Variants in PIEZO2 observed in about 807,000 individuals in gnomAD.
PIEZO2 encodes the protein piezo type mechanosensitive ion channel component 2, also known as piezo-type mechanosensitive ion channel component 2.
Under a neutral mutation model 337.3 loss-of-function variants are expected in PIEZO2, and 172 were observed. The observed-to-expected ratio is 0.51, with a 90% CI of 0.45 to 0.58. PIEZO2 has a LOEUF of 0.58. Among genes scored for constraint, PIEZO2 ranks in the 20% least tolerant of loss-of-function variants. PIEZO2 has a pLI of 0.00. For synonymous variants in PIEZO2, 1,251 were observed against 1,228.5 expected (o/e 1.02, Z -0.38); for missense variants, 3,028 against 3,391.3 (o/e 0.89, Z 2.66).
chr18:10,869,612 T>G (rs1157790), intron 5 of PIEZO2, among the ~76,000 whole-genome samples: 49,779 of 152,034 alleles, frequency 0.33, 8,336 homozygotes, highest in South Asian at 0.37. Context: ...ATTTTCAAAC[T>G]GTAAATGTAA....
Position 10,988,003 on chromosome 18 carries a change from T to C in PIEZO2, c.161-8343A>G, listed in dbSNP as rs756750869. Among the ~76,000 whole-genome samples, 7 of 152,148 alleles carry C rather than the reference T, an allele frequency of 4.6e-5. No individual in the cohort carries two copies. The highest frequency in any genetic ancestry group is 8.8e-5 in the Non-Finnish European group (6 of 68,012). On this transcript the variant is annotated intron_variant, in intron 2 of 55. Coordinates refer to ENST00000674853, the MANE Select transcript of PIEZO2 (RefSeq NM_001378183.1). The surrounding 1 kb of genome is among the most constrained non-coding windows in gnomAD (Gnocchi z 4.8). Reference sequence around the variant, plus strand: ...CCACAAGTTGAGATACCACCTCTGCTGTGGTCTGAATGTGACCCCCAAAAT... The same window carrying C: ...CCACAAGTTGAGATACCACCTCTGCCGTGGTCTGAATGTGACCCCCAAAAT...
chr18:10,957,183 G>A (rs1456218103), intron 3 of PIEZO2, among the ~76,000 whole-genome samples: 2 of 151,900 alleles, frequency 1.3e-5, no homozygotes, highest in Non-Finnish European at 1.5e-5. Context: ...TGGATCATGA[G>A]GTCAGGAGTT....
At chr18:10,885,083 G>A (rs1568163768) in intron 4 of PIEZO2, among the ~76,000 whole-genome samples, 5 of 152,166 alleles carry the variant, frequency 3.3e-5, no homozygotes, top group South Asian at 2.1e-4. Flanking sequence ...ATACATTCCC[G>A]AAAAACAGAT....
intron 49 of PIEZO2, among the ~76,000 whole-genome samples, chr18:10,685,018 T>G (rs2034488154): frequency 6.6e-6 from 1 of 152,118 alleles, no homozygotes; most frequent in African/African-American, 2.4e-5. Flanking sequence ...TCCAATCAGC[T>G]TCCTGAAATG....
At chr18:11,088,027 C>T (rs984498749) in intron 1 of PIEZO2, among the ~76,000 whole-genome samples, 4 of 152,234 alleles carry the variant, frequency 2.6e-5, no homozygotes, top group South Asian at 2.1e-4. Flanking sequence ...ACTGCTTGGA[C>T]GCAGACTGCT....
intron 49 of PIEZO2, among the ~76,000 whole-genome samples, chr18:10,684,074 CT>C: frequency 1.6e-5 from 2 of 124,940 alleles, no homozygotes; most frequent in African/African-American, 5.8e-5. Flanking sequence ...TCCTTCCTTC[CT>C]TTTTCCTTCC....
chr18:10,757,977 A>G lies in PIEZO2; in HGVS notation c.3915T>C (p.Ile1305=), dbSNP rs945235167. The G allele has an allele frequency of 3.9e-6, 6 of 1,535,306 alleles. No homozygotes were observed. Among genetic ancestry groups the G allele is most frequent in the South Asian group, 1.2e-5 (1 of 83,678 alleles). The change falls in exon 27 of 56, where the codon ATT becomes ATC. Residue 1305 remains isoleucine, a synonymous_variant. Transcript: ENST00000674853. ...FSQHNPVPDF[I]HCRSYLDMSK... ...TGTGAAGCTCTTGTTACCTGCAGTG[A>G]ATAAAATCTGGCACAGGGTTATGTT...
chr18:10,675,630 A>G (rs73391375), intron 53 of PIEZO2, among the ~76,000 whole-genome samples: 3,774 of 152,294 alleles, frequency 0.025, 166 homozygotes, highest in African/African-American at 0.084. Flanking sequence ...TATCCATACC[A>G]TTAAGCACGC....
At chr18:10,963,729 A>C (rs974699104) in intron 3 of PIEZO2, among the ~76,000 whole-genome samples, 2 of 152,240 alleles carry the variant, frequency 1.3e-5, no homozygotes, top group African/African-American at 4.8e-5. Context: ...TTTGGTATTA[A>C]GACATACACA....
rs528439299 is a variant in PIEZO2 at position 11,002,494 on chromosome 18, G to A, written c.161-22834C>T. Among the ~76,000 whole-genome samples, 2 of 152,272 alleles carry A rather than the reference G, an allele frequency of 1.3e-5. No individual in the cohort carries two copies. The highest frequency in any genetic ancestry group is 2.1e-4 in the South Asian group (1 of 4,826). On this transcript the variant is annotated intron_variant, in intron 2 of 55. Coordinates refer to ENST00000674853, the MANE Select transcript of PIEZO2 (RefSeq NM_001378183.1). This position sits in a 1 kb window ranked among gnomAD's most constrained non-coding sequence, Gnocchi z 4.3. ...AGTGTTGACCCATTTGCAACACATC[G>A]TAAACACCAGCACTCACTGTGTGCA...
At chr18:11,023,951 G>A (rs911313888) in intron 2 of PIEZO2, among the ~76,000 whole-genome samples, 3 of 152,136 alleles carry the variant, frequency 2.0e-5, no homozygotes, top group Non-Finnish European at 4.4e-5. Flanking sequence ...GTGCGGGGCC[G>A]CCGAGCCCAC....
At chr18:10,733,077 G>C (rs2036850713) in intron 35 of PIEZO2, among the ~76,000 whole-genome samples, 1 of 151,900 alleles carries the variant, frequency 6.6e-6, no homozygotes. Context: ...GGAGGAAAAG[G>C]GGAGAGGAAA....
intron 1 of PIEZO2, among the ~76,000 whole-genome samples, chr18:11,141,479 T>A (rs971641364): frequency 6.6e-6 from 1 of 152,076 alleles, no homozygotes; most frequent in Admixed American, 6.5e-5. Flanking sequence ...AGGCTTGAGG[T>A]TCTGCATGCT....
At chr18:10,701,834 C>CTT (rs778832042) in intron 43 of PIEZO2, 155 bp downstream of exon 43, 214 of 455,510 alleles carry the variant, frequency 4.7e-4, no homozygotes, top group East Asian at 3.5e-3. Context: ...TTTTCTCTCT[C>CTT]TTTTTTTTTT....
Position 10,859,629 on chromosome 18 carries a change from T to C in PIEZO2, c.493-2418A>G, listed in dbSNP as rs2041820636. ...TCTCACCTTAAAGAAACACATCCTT[T>C]CAACCCACGTTTGTCTCTTAAGGTG... On this transcript the variant is annotated intron_variant, in intron 5 of 55. Transcript: ENST00000674853. The surrounding 1 kb of genome is among the most constrained non-coding windows in gnomAD (Gnocchi z 4.9). 6.6e-6 allele frequency among the ~76,000 whole-genome samples: 1 copy of C among 152,214 alleles called. No individual in the cohort carries two copies. Among genetic ancestry groups the C allele is most frequent in the Admixed American group, 6.5e-5 (1 of 15,288 alleles).
At position 11,030,964 on chromosome 18, in the gene PIEZO2, C is replaced by T. The variant is rs529120788; in HGVS notation, c.160+35163G>A. Among the ~76,000 whole-genome samples the T allele has an allele frequency of 2.0e-5, 3 of 151,832 alleles. No homozygotes were observed. The South Asian group carries it at 6.2e-4, about 32-fold the overall frequency. Reference sequence around the variant, plus strand: ...CAAAGCAATCTCGAGTAGTCCACTTCAATGCAATGAAGTTGCTTCTGGAAT... The same window carrying T: ...CAAAGCAATCTCGAGTAGTCCACTTTAATGCAATGAAGTTGCTTCTGGAAT... On this transcript the variant is annotated intron_variant, in intron 2 of 55. Transcript: ENST00000674853.
intron 4 of PIEZO2, among the ~76,000 whole-genome samples, chr18:10,904,611 A>G (rs1422567224): frequency 6.6e-6 from 1 of 152,224 alleles, no homozygotes; most frequent in Non-Finnish European, 1.5e-5. Context: ...TTCAAGAGCC[A>G]CTGCCTGGTA....
At chr18:10,789,717 A>G (rs2039347615) in intron 14 of PIEZO2, among the ~76,000 whole-genome samples, 1 of 152,214 alleles carries the variant, frequency 6.6e-6, no homozygotes, top group Admixed American at 6.5e-5. Flanking sequence ...TCAAATTCTA[A>G]TTGCTTCATG....
At chr18:10,691,932 G>A (rs1261755683) in intron 47 of PIEZO2, among the ~76,000 whole-genome samples, 1 of 151,508 alleles carries the variant, frequency 6.6e-6, no homozygotes, top group Non-Finnish European at 1.5e-5. Context: ...ACCTGGATTT[G>A]GTTCCAGTTC....
Sources: allele counts gnomAD v4.1 joint callset (sites outside exome capture counted in the v4.1 genomes callset), GRCh38; gene constraint gnomAD v4.1.1; non-coding constraint Gnocchi (gnomAD v3.1); transcripts MANE v1.5; gene names NCBI Gene and HGNC (gene_info 2026-07-23, HGNC 2026-07-21).